The following TCF20 variants were observed in gnomAD, a reference collection of about 807,000 sequenced individuals.
The protein encoded by TCF20 is SPRE-binding protein.
TCF20 carries 3 observed loss-of-function variants against 148.6 expected under a neutral mutation model. That is an observed-to-expected ratio of 0.02 (90% CI 0.01 to 0.05). The LOEUF (loss-of-function observed/expected upper bound fraction) is 0.05. TCF20 is among the 10% of genes least tolerant of loss of function. The pLI is 1.00. For synonymous variants in TCF20, 1,049 were observed against 909.5 expected, an observed-to-expected ratio of 1.15 and a Z score of -2.76; for missense variants, 2,350 against 2,429.3, an observed-to-expected ratio of 0.97 and a Z score of 0.69.
Position 42,209,772 on chromosome 22 carries a change from A to T in TCF20, c.5534T>A (p.Leu1845Gln). 1 of 1,614,202 alleles carries T rather than the reference A, an allele frequency of 6.2e-7. No homozygotes were observed. Among genetic ancestry groups the T allele is most frequent in the Non-Finnish European group, 8.5e-7 (1 of 1,180,036 alleles). The change falls in exon 2 of 6, where the codon CTA becomes CAA. Residue 1845 changes from leucine (L) to glutamine (Q), a missense_variant. Around this residue, in one of 7 missense-constraint regions of TCF20, gnomAD observed 374 missense variants for 398.3 expected, o/e 0.94. Transcript: ENST00000677622. ...CCAAAATTCATTGCTGTCAAGAGGT[A>T]GTTCAGGGATTTGTAACTCCAGCTC... The part of the protein sequence containing the change: ...GPELELQIPE[L>Q]PLDSNEFWVH...
intron 2 of TCF20, among the ~76,000 whole-genome samples, chr22:42,189,680 G>T (rs1034588374): frequency 6.6e-6 from 1 of 152,122 alleles, no homozygotes; most frequent in Non-Finnish European, 1.5e-5. Flanking sequence ...CCTAAAACTT[G>T]CTTTTTAAAA....
intron 2 of TCF20, among the ~76,000 whole-genome samples, chr22:42,181,984 G>A (rs1251583114): frequency 6.6e-6 from 1 of 152,154 alleles, no homozygotes; most frequent in African/African-American, 2.4e-5. Flanking sequence ...TGGGATCTGT[G>A]GCAGCCACAG....
chr22:42,269,894 C>G (rs534979786), intron 1 of TCF20: 14 of 152,376 alleles, frequency 9.2e-5, no homozygotes, highest in African/African-American at 2.6e-4. Context: ...TCGCCTCCAG[C>G]CCGTAGCCAA....
chr22:42,215,830 A>C (rs1921712656), intron 1 of TCF20, among the ~76,000 whole-genome samples: 1 of 152,164 alleles, frequency 6.6e-6, no homozygotes, highest in Non-Finnish European at 1.5e-5. Context: ...TATGCAGAGA[A>C]ATGGCCTAAA....
intron 2 of TCF20, among the ~76,000 whole-genome samples, chr22:42,196,282 G>C (rs1041748640): frequency 1.3e-5 from 2 of 152,186 alleles, no homozygotes; most frequent in African/African-American, 4.8e-5. Context: ...TGGGGAATGA[G>C]GTGACAGGTG....
intron 2 of TCF20, among the ~76,000 whole-genome samples, chr22:42,197,766 T>C (rs1415047624): frequency 6.6e-6 from 1 of 152,140 alleles, no homozygotes; most frequent in African/African-American, 2.4e-5. Flanking sequence ...AATAATAAAA[T>C]TCCAAATTAA....
intron 2 of TCF20, among the ~76,000 whole-genome samples, chr22:42,202,632 C>T (rs1028660812): frequency 2.6e-5 from 4 of 152,216 alleles, no homozygotes; most frequent in South Asian, 2.1e-4. Context: ...ATAAATTGGA[C>T]GAATCTGATC....
chr22:42,216,243 C>T (rs1373786361), intron 1 of TCF20, among the ~76,000 whole-genome samples: 1 of 151,894 alleles, frequency 6.6e-6, no homozygotes, highest in Non-Finnish European at 1.5e-5. Context: ...GCATAAGCCA[C>T]TACTTTCATT....
intron 1 of TCF20, among the ~76,000 whole-genome samples, chr22:42,241,850 A>C (rs1181262244): frequency 6.6e-6 from 1 of 151,962 alleles, no homozygotes; most frequent in Non-Finnish European, 1.5e-5. Context: ...AACGCAGATT[A>C]GTCAAAGAGA....
At chr22:42,204,604 G>A (rs1342762569) in intron 2 of TCF20, among the ~76,000 whole-genome samples, 2 of 152,192 alleles carry the variant, frequency 1.3e-5, no homozygotes, top group African/African-American at 2.4e-5. Context: ...CAGCACTTTG[G>A]GTGGCTGAGG....
intron 3 of TCF20, among the ~76,000 whole-genome samples, chr22:42,174,271 C>T (rs898846781): frequency 9.2e-5 from 14 of 152,200 alleles, no homozygotes; most frequent in African/African-American, 3.4e-4. Context: ...ATGATCACAT[C>T]TGGTTTGTGG....
intron 1 of TCF20, among the ~76,000 whole-genome samples, chr22:42,295,205 T>G (rs538045422): frequency 6.6e-6 from 1 of 152,180 alleles, no homozygotes; most frequent in Non-Finnish European, 1.5e-5. Flanking sequence ...GAGAAGACAG[T>G]AACATTTGAG....
rs575176543 is a variant in TCF20, at chr22:42,283,887, G to A, written c.-97C>T. Among the ~76,000 whole-genome samples the A allele has an allele frequency of 8.5e-5, 13 of 152,332 alleles. No individual in the cohort carries two copies. In the East Asian group the frequency reaches 2.5e-3, roughly 29 times the overall value. ...GACCCCTTGCCAGCCCGGCGACCAC[G>A]GGGGAGGAAAACAACTCCTGAGCCG... On this transcript the variant is annotated 5_prime_UTR_variant, in exon 1 of 6. Coordinates refer to the TCF20 transcript ENST00000359486.
intron 1 of TCF20, among the ~76,000 whole-genome samples, chr22:42,335,836 C>T (rs931347646): frequency 6.6e-6 from 1 of 152,114 alleles, no homozygotes; most frequent in African/African-American, 2.4e-5. Context: ...CCCCAGCACT[C>T]AGATCACGCC....
chr22:42,220,356 C>T (rs933992826), intron 1 of TCF20, among the ~76,000 whole-genome samples: 2 of 152,102 alleles, frequency 1.3e-5, no homozygotes, highest in African/African-American at 4.8e-5. Flanking sequence ...GGGACTATGG[C>T]TAATTTTTAT....
upstream of TCF20, chr22:42,274,486 CAG>C (rs1478108178): frequency 3.3e-5 from 5 of 152,394 alleles, no homozygotes; most frequent in African/African-American, 4.8e-5. Flanking sequence ...GGCCTTAAAA[CAG>C]AGGACCAGAG....
At chr22:42,306,044 G>A (rs922834382) in intron 1 of TCF20, among the ~76,000 whole-genome samples, 9 of 152,220 alleles carry the variant, frequency 5.9e-5, no homozygotes, top group African/African-American at 2.2e-4. Flanking sequence ...GGCTTGGTGA[G>A]CCCATCTGAA....
At chr22:42,298,693 G>A (rs1927278492) in intron 1 of TCF20, among the ~76,000 whole-genome samples, 1 of 152,238 alleles carries the variant, frequency 6.6e-6, no homozygotes, top group Admixed American at 6.5e-5. Flanking sequence ...CTACCAGCTG[G>A]CATGGTCGCA....
At chr22:42,194,709 G>A (rs931376794) in intron 2 of TCF20, among the ~76,000 whole-genome samples, 6 of 152,114 alleles carry the variant, frequency 3.9e-5, no homozygotes, top group East Asian at 1.9e-4. Context: ...GTTTCACAGG[G>A]CATGGTGGAG....
Sources: allele counts gnomAD v4.1 joint callset (sites outside exome capture counted in the v4.1 genomes callset), GRCh38; gene constraint gnomAD v4.1.1; regional missense constraint gnomAD v4.1.1; transcripts MANE v1.5; gene names NCBI Gene and HGNC (gene_info 2026-07-23, HGNC 2026-07-21).